Variants in CACNA2D3 observed in about 807,000 individuals in gnomAD.
CACNA2D3 encodes voltage-dependent calcium channel subunit alpha-2/delta-3.
Under a neutral mutation model 160.6 loss-of-function variants are expected in CACNA2D3, and 60 were observed. The ratio of observed to expected loss-of-function variants is 0.37; its 90% CI spans 0.30 to 0.46. The LOEUF is 0.46. CACNA2D3 is among the 20% of genes least tolerant of loss of function. The pLI is 1.00. For synonymous variants in CACNA2D3, 558 were observed against 492.9 expected (o/e 1.13, Z -1.75); for missense variants, 1,205 against 1,365.0 (o/e 0.88, Z 1.85).
At chr3:54,367,769 T>C (rs903200679) in intron 3 of CACNA2D3, among the ~76,000 whole-genome samples, 3 of 152,196 alleles carry the variant, frequency 2.0e-5, no homozygotes, top group Non-Finnish European at 4.4e-5. Flanking sequence ...CCAGAGTTTT[T>C]TGGGTTATGT....
intron 5 of CACNA2D3, among the ~76,000 whole-genome samples, chr3:54,524,807 G>A (rs1022837719): frequency 8.6e-5 from 13 of 151,740 alleles, no homozygotes; most frequent in African/African-American, 3.1e-4. Flanking sequence ...AACCATTCCA[G>A]CTTTCTTGTT....
chr3:54,133,851 A>C (rs1473766660), intron 2 of CACNA2D3, among the ~76,000 whole-genome samples: 1 of 152,088 alleles, frequency 6.6e-6, no homozygotes, highest in Non-Finnish European at 1.5e-5. Flanking sequence ...TGGGCTCTTA[A>C]ACTCTGGGAC....
intron 9 of CACNA2D3, among the ~76,000 whole-genome samples, chr3:54,618,373 ATG>A (rs1698903746): frequency 2.2e-5 from 2 of 92,072 alleles, no homozygotes; most frequent in African/African-American, 8.5e-5. Context: ...ATATATATAT[ATG>A]CACACACACA....
chr3:54,720,552 T>TA lies in CACNA2D3; in HGVS notation c.1168-32038dup, dbSNP rs552261777. On this transcript the variant is annotated intron_variant, in intron 11 of 37. Coordinates refer to ENST00000474759, the MANE Select transcript of CACNA2D3 (RefSeq NM_018398.3). ...TTGGTTAATGATCCTTGAGCACTTG[T>TA]AAAAAAAAATGCATTCAGCAGTTGA... 4.7e-3 allele frequency among the ~76,000 whole-genome samples: 706 copies of TA among 151,276 alleles called. 7 individuals carry two copies. The highest frequency in any genetic ancestry group is 0.036 in the South Asian group (174 of 4,798).
chr3:54,205,532 A>G (rs1316590833), intron 2 of CACNA2D3, among the ~76,000 whole-genome samples: 1 of 152,222 alleles, frequency 6.6e-6, no homozygotes, highest in Non-Finnish European at 1.5e-5. Context: ...ATGTTTTGAA[A>G]ATTATGATAA....
intron 11 of CACNA2D3, among the ~76,000 whole-genome samples, chr3:54,740,808 A>G (rs754970988): frequency 6.6e-6 from 1 of 152,184 alleles, no homozygotes; most frequent in Admixed American, 6.5e-5. Flanking sequence ...AAATGACAAG[A>G]ACTTGGGAAA....
intron 11 of CACNA2D3, among the ~76,000 whole-genome samples, chr3:54,723,039 T>G (rs947250933): frequency 6.6e-6 from 1 of 152,150 alleles, no homozygotes; most frequent in Admixed American, 6.5e-5. Flanking sequence ...GATGGGAGTT[T>G]TATCTATAAG....
intron 11 of CACNA2D3, among the ~76,000 whole-genome samples, chr3:54,646,914 G>C (rs1699663845): frequency 6.6e-6 from 1 of 152,124 alleles, no homozygotes; most frequent in Non-Finnish European, 1.5e-5. Context: ...AGAGGGACTG[G>C]ACCCTCCACA....
intron 2 of CACNA2D3, among the ~76,000 whole-genome samples, chr3:54,127,037 A>G (rs2107246483): frequency 6.6e-6 from 1 of 152,318 alleles, no homozygotes; most frequent in South Asian, 2.1e-4. Flanking sequence ...AACAATCACA[A>G]TCAAAGGCAT....
At chr3:54,142,588 G>T (rs544566359) in intron 2 of CACNA2D3, among the ~76,000 whole-genome samples, 23 of 152,166 alleles carry the variant, frequency 1.5e-4, no homozygotes, top group Non-Finnish European at 2.9e-5. Context: ...AAAGCCTGAT[G>T]ATGGTGATGA....
In CACNA2D3 at chr3:54,837,349, T is replaced by C; in HGVS notation, c.1470+119T>C. On this transcript the variant is annotated intron_variant, in intron 15 of 37. Transcript: ENST00000474759. ...GCATAGGATGTATGTCATTTTTCCT[T>C]ATTGTTTGATCTTGCTGTTAGAATC... The C allele has an allele frequency of 7.5e-6, 6 of 798,504 alleles. No individual in the cohort carries two copies. In the South Asian group the frequency reaches 9.8e-5, roughly 13 times the overall value. The allele number at this position is 798,504 out of a possible 1,614,324, so 49.5% of individuals were successfully genotyped here.
intron 35 of CACNA2D3, among the ~76,000 whole-genome samples, chr3:55,065,682 G>A (rs984069633): frequency 6.6e-6 from 1 of 151,054 alleles, no homozygotes; most frequent in Non-Finnish European, 1.5e-5. Flanking sequence ...AGAAGAGAGA[G>A]GAGGGAGAGG....
At chr3:54,730,758 C>T (rs1701369127) in intron 11 of CACNA2D3, among the ~76,000 whole-genome samples, 1 of 152,168 alleles carries the variant, frequency 6.6e-6, no homozygotes, top group Non-Finnish European at 1.5e-5. Context: ...CCGCCTTGGC[C>T]TCCCCAAGTG....
intron 2 of CACNA2D3, among the ~76,000 whole-genome samples, chr3:54,285,111 C>T (rs944111370): frequency 9.9e-5 from 15 of 152,070 alleles, no homozygotes; most frequent in East Asian, 5.8e-4. Context: ...GCACCGTGCG[C>T]GAGCCGAAGC....
intron 3 of CACNA2D3, among the ~76,000 whole-genome samples, chr3:54,351,793 A>G (rs1409299504): frequency 1.3e-5 from 2 of 152,190 alleles, no homozygotes; most frequent in African/African-American, 4.8e-5. Context: ...TAGTTTTATC[A>G]TTCCTTGCTC....
chr3:54,382,800 A>G (rs1036835648), intron 3 of CACNA2D3, among the ~76,000 whole-genome samples: 3 of 152,254 alleles, frequency 2.0e-5, no homozygotes, highest in Non-Finnish European at 4.4e-5. Context: ...AAAACAAAGC[A>G]AAGCAAAACA....
At chr3:54,893,644 T>C (rs536039392) in intron 25 of CACNA2D3, among the ~76,000 whole-genome samples, 1 of 152,310 alleles carries the variant, frequency 6.6e-6, no homozygotes, top group East Asian at 1.9e-4. Context: ...GCAGAGAACT[T>C]GATAATATAA....
rs746330604 is a variant in CACNA2D3 at position 54,885,536 on chromosome 3, A to T, written c.2006A>T (p.Gln669Leu). 4 of 1,613,772 alleles carry T rather than the reference A, an allele frequency of 2.5e-6. No individual in the cohort carries two copies. The highest frequency in any genetic ancestry group is 3.4e-6 in the Non-Finnish European group (4 of 1,179,808). ...CACCCTGAGCACCGCCATCTGTCTC[A>T]GTTAGAAGCGATTAAGCTCTACCTA... ...DLHPEHRHLS[Q>L]LEAIKLYLKG... Residue 669 changes from glutamine (Q) to leucine (L), a missense_variant, in exon 23 of 38, where the codon CAG becomes CTG. Physicochemically the swap from Gln to Leu is moderately radical, Grantham distance 113. This residue lies in a region of CACNA2D3 where 911 missense variants were observed against 1,002.2 expected (regional missense o/e 0.91). Transcript: ENST00000474759.
chr3:54,391,982 A>C (rs1195639238), intron 4 of CACNA2D3, among the ~76,000 whole-genome samples: 1 of 152,164 alleles, frequency 6.6e-6, no homozygotes, highest in Admixed American at 6.5e-5. Context: ...CCTTATTATA[A>C]TAGCATCTCT....
Sources: gnomAD v4.1 joint callset for allele counts (sites outside exome capture counted in the v4.1 genomes callset) on GRCh38, gnomAD v4.1.1 for gene constraint, gnomAD v4.1.1 regional missense constraint, MANE v1.5 for transcripts, NCBI Gene and HGNC (gene_info 2026-07-23, HGNC 2026-07-21) for gene names.